The following ZBTB4 variants were observed in gnomAD, a reference collection of about 807,000 sequenced individuals.
ZBTB4 encodes the protein zinc finger and BTB domain-containing protein 4.
In ZBTB4, 14 loss-of-function variants were observed where a neutral mutation model predicts 59.8. The observed-to-expected ratio is 0.23, with a 90% CI of 0.15 to 0.37. The LOEUF (loss-of-function observed/expected upper bound fraction) is 0.37. Among genes scored for constraint, ZBTB4 ranks in the 10% least tolerant of loss-of-function variants. The pLI, the probability that ZBTB4 is intolerant of heterozygous loss-of-function variation, is 1.00. For missense variants in ZBTB4, 1,198 were observed against 1,380.8 expected, an observed-to-expected ratio of 0.87 and a Z score of 2.10; for synonymous variants, 587 against 575.2, an observed-to-expected ratio of 1.02 and a Z score of -0.29.
upstream of ZBTB4, chr17:7,482,224 C>T (rs1369667885): frequency 3.7e-6 from 6 of 1,613,908 alleles, no homozygotes; most frequent in Non-Finnish European, 3.4e-6. Flanking sequence ...GCCTCTTCCA[C>T]CTCCCTATTG....
chr17:7,462,073 T>C lies in ZBTB4; in HGVS notation c.2909A>G (p.Tyr970Cys), dbSNP rs142208093. The C allele has an allele frequency of 3.1e-6, 5 of 1,600,066 alleles. No individual in the cohort carries two copies. The highest frequency in any genetic ancestry group is 3.4e-6 in the Non-Finnish European group (4 of 1,172,814). Residue 970 changes from tyrosine to cysteine, a missense_variant, in exon 4 of 4, where the codon TAC (tyrosine) becomes TGC (cysteine). Transcript: ENST00000380599. This position sits in a 1 kb window ranked among gnomAD's most constrained non-coding sequence, Gnocchi z 7.5. ...ALPFLPGVFG[Y>C]AVNPQAAPPA... ...GGGTGCTGCTTGAGGATTCACTGCG[T>C]AGCCAAAGACCCCTGGTAGGAAGGG...
At chr17:7,471,728 G>T (rs181407550) in intron 1 of ZBTB4, among the ~76,000 whole-genome samples, 1 of 152,184 alleles carries the variant, frequency 6.6e-6, no homozygotes, top group Non-Finnish European at 1.5e-5. Flanking sequence ...ATACGGTGGG[G>T]ACAATTAATA....
chr17:7,464,167 C>A (rs543414586), intron 3 of ZBTB4, among the ~76,000 whole-genome samples: 1 of 152,302 alleles, frequency 6.6e-6, no homozygotes, highest in South Asian at 2.1e-4. Flanking sequence ...AAACGACTTA[C>A]GAACAGGGAC....
Position 7,465,962 on chromosome 17 carries a change from C to T in ZBTB4, c.840G>A (p.Gly280=), listed in dbSNP as rs777169280. 2.5e-6 allele frequency: 4 copies of T among 1,600,868 alleles called. No homozygotes were observed. Among genetic ancestry groups the T allele is most frequent in the South Asian group, 2.2e-5 (2 of 90,288 alleles). The part of the protein sequence containing the change: ...AGGAGPGGPA[G]VDASALPPPV... Reference sequence around the variant, plus strand: ...GTGGAGGCAGGGCTGAGGCGTCCACCCCTGCAGGACCACCAGGGCCAGCGC... The same window carrying T: ...GTGGAGGCAGGGCTGAGGCGTCCACTCCTGCAGGACCACCAGGGCCAGCGC... Residue 280 remains glycine (G), a synonymous_variant, in exon 3 of 4, where the codon GGG becomes GGA. Transcript: ENST00000380599.
At position 7,463,772 on chromosome 17, in the gene ZBTB4, C is replaced by T. The variant is rs1427191629; in HGVS notation, c.1210G>A (p.Gly404Ser). The change falls in exon 4 of 4, where the codon GGC becomes AGC. Residue 404 changes from glycine (G) to serine (S), a missense_variant. This residue lies in a region of ZBTB4 where 60 missense variants were observed against 93.0 expected (regional missense o/e 0.64). Transcript: ENST00000380599. ...LLASEKTPNG[G>S]YKPKLNTLKL... ...AGTGTATTGAGCTTGGGCTTGTAGC[C>T]TCCATTGGGTGTCTTCTCACTGGCA... 2.5e-6 allele frequency: 4 copies of T among 1,614,134 alleles called. No individual in the cohort carries two copies. Among genetic ancestry groups the T allele is most frequent in the Non-Finnish European group, 3.4e-6 (4 of 1,180,030 alleles).
Position 7,463,234 on chromosome 17 carries a change from C to T in ZBTB4, c.1748G>A (p.Gly583Asp), listed in dbSNP as rs1028779180. The T allele has an allele frequency of 9.9e-6, 16 of 1,611,000 alleles. No homozygotes were observed. The highest frequency in any genetic ancestry group is 1.2e-5 in the Non-Finnish European group (14 of 1,179,332). The change falls in exon 4 of 4, where the codon GGT becomes GAT. Residue 583 changes from glycine (G) to aspartate (D), a missense_variant. Physicochemically the swap from Gly to Asp is moderately conservative, Grantham distance 94 (BLOSUM62 -1). Coordinates refer to ENST00000380599, the MANE Select transcript of ZBTB4 (RefSeq NM_001128833.2). Reference sequence around the variant, plus strand: ...GCCCCGGCCAGCCCCTGTGGGGGGACCCCCACCTCCACCAATCCCGCCCAC... The same window carrying T: ...GCCCCGGCCAGCCCCTGTGGGGGGATCCCCACCTCCACCAATCCCGCCCAC... ...KPVGGIGGGG[G>D]PPTGAGRGPS... is the part of the protein sequence containing the mutation.
Position 7,471,252 on chromosome 17 carries a change from T to C in ZBTB4, c.-80-3925A>G, listed in dbSNP as rs547152562. On this transcript the variant is annotated intron_variant, in intron 1 of 3. Coordinates refer to ENST00000380599, the MANE Select transcript of ZBTB4 (RefSeq NM_001128833.2). Reference sequence around the variant, plus strand: ...AAGCTGGAGTGCAGTGGTGTGAACATTGCTCACTGCAGCCTGGACCTCCTG... The same window carrying C: ...AAGCTGGAGTGCAGTGGTGTGAACACTGCTCACTGCAGCCTGGACCTCCTG... Among the ~76,000 whole-genome samples, 6 of 152,136 alleles carry C rather than the reference T, an allele frequency of 3.9e-5. No individual in the cohort carries two copies. The South Asian group carries it at 1.2e-3, about 32-fold the overall frequency.
Position 7,466,439 on chromosome 17 carries a change from GGAA to G in ZBTB4, c.360_362del (p.Ser121del). 1 of 1,613,492 alleles carries G rather than the reference GGAA, an allele frequency of 6.2e-7. No individual in the cohort carries two copies. The highest frequency in any genetic ancestry group is 8.5e-7 in the Non-Finnish European group (1 of 1,179,846). On this transcript the variant is annotated inframe_deletion, in exon 3 of 4. Coordinates refer to ENST00000380599, the MANE Select transcript of ZBTB4 (RefSeq NM_001128833.2). The surrounding 1 kb of genome is among the most constrained non-coding windows in gnomAD (Gnocchi z 9.1). Reference sequence around the variant, plus strand: ...CTGGCAACTCCAGGACCCGGGGTGGGGAAGAAGCAGGGGGAGAGGCTGGAGGGG... The same window carrying G: ...CTGGCAACTCCAGGACCCGGGGTGGGGAAGCAGGGGGAGAGGCTGGAGGGG...
At chr17:7,480,062 C>T (rs2070324173), upstream of ZBTB4, among the ~76,000 whole-genome samples, 1 of 152,120 alleles carries the variant, frequency 6.6e-6, no homozygotes, top group Non-Finnish European at 1.5e-5. Flanking sequence ...AGGGCCAGCC[C>T]TGGACACACA....
chr17:7,465,361 T>C (rs934741648), intron 3 of ZBTB4, among the ~76,000 whole-genome samples: 2 of 143,022 alleles, frequency 1.4e-5, no homozygotes, highest in Non-Finnish European at 3.0e-5. Context: ...TTCGGGAGGC[T>C]GAGGCAGAAT....
intron 1 of ZBTB4, among the ~76,000 whole-genome samples, chr17:7,469,416 T>C (rs535315452): frequency 6.6e-6 from 1 of 151,594 alleles, no homozygotes; most frequent in African/African-American, 2.4e-5. Context: ...CCTGCCTACC[T>C]AGGCCTCCCA....
intron 1 of ZBTB4, among the ~76,000 whole-genome samples, chr17:7,472,817 T>C (rs1486143209): frequency 6.6e-6 from 1 of 151,784 alleles, no homozygotes; most frequent in Non-Finnish European, 1.5e-5. Flanking sequence ...ATTTATTTTT[T>C]ATTTTTAGTA....
At chr17:7,480,703 G>A (rs1256235569), upstream of ZBTB4, among the ~76,000 whole-genome samples, 1 of 151,066 alleles carries the variant, frequency 6.6e-6, no homozygotes, top group African/African-American at 2.4e-5. Context: ...CTGGGCGACA[G>A]AGACAGACTC....
Position 7,463,709 on chromosome 17 carries a change from G to A in ZBTB4, c.1273C>T (p.Arg425Trp). Residue 425 changes from arginine to tryptophan, a missense_variant, in exon 4 of 4, where the codon CGG (arginine) becomes TGG (tryptophan). Around this residue, in one of 9 missense-constraint regions of ZBTB4, gnomAD observed 60 missense variants for 93.0 expected, o/e 0.64. Coordinates refer to ENST00000380599, the MANE Select transcript of ZBTB4 (RefSeq NM_001128833.2). ...YRLLPMRAAK[R>W]PYKTYSQGAP... is the part of the protein sequence containing the mutation. ...CCCTGGCTGTAGGTCTTGTAGGGCC[G>A]CTTGGCTGCCCGCATGGGGAGCAGG... 3.1e-6 allele frequency: 5 copies of A among 1,613,988 alleles called. No individual in the cohort carries two copies. Among genetic ancestry groups the A allele is most frequent in the Non-Finnish European group, 4.2e-6 (5 of 1,180,002 alleles).
upstream of ZBTB4, chr17:7,482,059 C>T: frequency 6.2e-7 from 1 of 1,613,852 alleles, no homozygotes; most frequent in Non-Finnish European, 8.5e-7. Flanking sequence ...CACCCAGCCT[C>T]CGCTGGCACC....
chr17:7,481,903 C>A, upstream of ZBTB4: 1 of 1,512,676 alleles, frequency 6.6e-7, no homozygotes, highest in East Asian at 2.3e-5. Flanking sequence ...CCCACAGGGT[C>A]CCAGACCCCA....
intron 3 of ZBTB4, among the ~76,000 whole-genome samples, chr17:7,464,655 TG>T (rs1253417655): frequency 6.6e-6 from 1 of 151,198 alleles, no homozygotes; most frequent in African/African-American, 2.4e-5. Context: ...TTGGCCAACA[TG>T]GTGAAACCCT....
chr17:7,481,907 G>C, upstream of ZBTB4: 1 of 1,520,814 alleles, frequency 6.6e-7, no homozygotes, highest in Non-Finnish European at 8.8e-7. Context: ...CAGGGTCCCA[G>C]ACCCCATCCT....
intron 1 of ZBTB4, among the ~76,000 whole-genome samples, chr17:7,472,634 C>CTTTTTTTTTTTTTT (rs71157290): frequency 1.4e-5 from 1 of 72,922 alleles, no homozygotes; most frequent in Non-Finnish European, 2.3e-5. Flanking sequence ...CCTGGCCATT[C>CTTTTTTTTTTTTTT]TTTTTTTTTT....
Sources: gnomAD v4.1 joint callset for allele counts (sites outside exome capture counted in the v4.1 genomes callset) on GRCh38, gnomAD v4.1.1 for gene constraint, gnomAD v4.1.1 regional missense constraint, Gnocchi (gnomAD v3.1) non-coding constraint, MANE v1.5 for transcripts, NCBI Gene and HGNC (gene_info 2026-07-23, HGNC 2026-07-21) for gene names.